Variants in PROCA1 observed in about 807,000 individuals in gnomAD.
The protein encoded by PROCA1 is protein PROCA1.
PROCA1 carries 22 observed loss-of-function variants against 23.2 expected under a neutral mutation model. The ratio of observed to expected loss-of-function variants is 0.95; its 90% confidence interval spans 0.68 to 1.35. The LOEUF (loss-of-function observed/expected upper bound fraction) is 1.35. Among genes scored for constraint, PROCA1 ranks in the 40% most tolerant of loss-of-function variants. The probability of loss-of-function intolerance (pLI) is 0.00; values close to 1 mark genes in which losing one functional copy is unlikely to be tolerated. For missense variants in PROCA1, 469 were observed against 459.8 expected (o/e 1.02, Z -0.18); for synonymous variants, 182 against 179.2 (o/e 1.02, Z -0.12).
chr17:28,709,510 C>A (rs1006891249), intron 1 of PROCA1, among the ~76,000 whole-genome samples: 2 of 151,974 alleles, frequency 1.3e-5, no homozygotes, highest in Non-Finnish European at 2.9e-5. Context: ...CCGCCTCAGC[C>A]TCCCAAAGTG....
In PROCA1 at chr17:28,703,797, C is replaced by T. The variant is rs143950518; in HGVS notation, c.856G>A (p.Ala286Thr). The change falls in exon 5 of 5, where the codon GCA becomes ACA. Residue 286 changes from alanine to threonine, a missense_variant. Physicochemically the swap from Ala to Thr is moderately conservative, Grantham distance 58. Transcript: ENST00000682792. The part of the protein sequence containing the change: ...SPPDVSRSLS[A>T]RQLARMSESS... ...TCGGACATCCTGGCCAGCTGTCTTG[C>T]GCTTAATGATCGGCTCACGTCTGGC... 289 of 1,614,198 alleles carry T rather than the reference C, an allele frequency of 1.8e-4. No individual in the cohort carries two copies. The African/African-American group carries it at 3.4e-3, about 19-fold the overall frequency.
chr17:28,711,254 C>G, intron 1 of PROCA1: 2 of 803,366 alleles, frequency 2.5e-6, no homozygotes, highest in South Asian at 4.7e-5. Context: ...AGGGCAGCGG[C>G]CTGCGCCCGG....
rs570954363 is a variant in PROCA1, at chr17:28,703,469, A to G, written c.*89T>C. On this transcript the variant is annotated 3_prime_UTR_variant, in exon 5 of 5. Coordinates refer to ENST00000682792, the MANE Select transcript of PROCA1 (RefSeq NM_001366301.1). ...CCCTGAGCCCACCCCTTGCCCCGCA[A>G]GAAACAGCCAGGTTGGAGGGAGAGA... 1 of 1,407,364 alleles carries G rather than the reference A, an allele frequency of 7.1e-7. No homozygotes were observed. Among genetic ancestry groups the G allele is most frequent in the East Asian group, 2.3e-5 (1 of 43,680 alleles). The allele number at this position is 1,407,364 out of a possible 1,614,324, so 87.2% of individuals were successfully genotyped here. A position where few individuals can be genotyped will look rare whatever the true frequency, so the allele number is the denominator to read the frequency against.
At chr17:28,706,579 TTCCC>T in intron 2 of PROCA1, 97 bp downstream of exon 2, 5 of 821,844 alleles carry the variant, frequency 6.1e-6, no homozygotes, top group Non-Finnish European at 8.9e-6. Flanking sequence ...AGGACCACAC[TTCCC>T]TCCCTCCCTG....
At chr17:28,709,319 G>A (rs966465136) in intron 1 of PROCA1, among the ~76,000 whole-genome samples, 3 of 151,762 alleles carry the variant, frequency 2.0e-5, no homozygotes, top group African/African-American at 7.3e-5. Context: ...GCAGTGGCGG[G>A]ATCTTGGCTC....
At chr17:28,706,285 C>T (rs1243006539) in intron 2 of PROCA1, 5 of 175,696 alleles carry the variant, frequency 2.8e-5, no homozygotes, top group Non-Finnish European at 6.2e-5. Flanking sequence ...GGCAAAGTGC[C>T]CTGAACTTGT....
intron 1 of PROCA1, chr17:28,710,853 G>T: frequency 7.7e-7 from 1 of 1,304,200 alleles, no homozygotes; most frequent in Non-Finnish European, 1.0e-6. Context: ...GCGCACAAAG[G>T]CCTAACTCAA....
rs186007908 is a variant in PROCA1, at chr17:28,703,672, C to T, written c.981G>A (p.Ser327=). 2.1e-4 allele frequency: 337 copies of T among 1,614,188 alleles called. No individual in the cohort carries two copies. The East Asian group carries it at 6.6e-3, about 32-fold the overall frequency. ...GGACTGTGTTCTCTCTCTTCCTGGGCGATGATGATTCCACAATATCCTCGC... is the reference window on the plus strand; with the variant it reads ...GGACTGTGTTCTCTCTCTTCCTGGGTGATGATGATTCCACAATATCCTCGC... The part of the protein sequence containing the change: ...LSSEDIVESS[S]PRKRENTVQA... The change falls in exon 5 of 5, where the codon TCG becomes TCA. Residue 327 remains serine, a synonymous_variant. Coordinates refer to ENST00000682792, the MANE Select transcript of PROCA1 (RefSeq NM_001366301.1).
chr17:28,706,625 T>C, intron 2 of PROCA1, 55 bp downstream of exon 2: 1 of 1,227,976 alleles, frequency 8.1e-7, no homozygotes, highest in Non-Finnish European at 1.1e-6. Context: ...AGGTGTCAGC[T>C]TTCCCAGGTG....
chr17:28,709,279 A>T (rs1247146885), intron 1 of PROCA1, among the ~76,000 whole-genome samples: 1 of 151,610 alleles, frequency 6.6e-6, no homozygotes, highest in African/African-American at 2.4e-5. Flanking sequence ...TTCTTTTGAG[A>T]GAGTCTGGCT....
At chr17:28,710,450 T>C (rs1002440814) in intron 1 of PROCA1, among the ~76,000 whole-genome samples, 1 of 140,864 alleles carries the variant, frequency 7.1e-6, no homozygotes, top group African/African-American at 2.7e-5. Context: ...GAGTTTGCAG[T>C]GAGCCGATAT....
At position 28,703,886 on chromosome 17, in the gene PROCA1, T is replaced by G. The variant is rs778029551; in HGVS notation, c.767A>C (p.Lys256Thr). Reference protein sequence around the residue: ...KEEMDEKAKLKKKAKKGQLTK... With the variant: ...KEEMDEKAKLTKKAKKGQLTK... ...CAACTGGCCTTTCTTGGCTTTTTTC[T>G]TCAGCTTTGCCTTCTCATCCATCTC... The change falls in exon 5 of 5, where the codon AAG becomes ACG. Residue 256 changes from lysine to threonine, a missense_variant. Lys to Thr is a moderately conservative substitution (Grantham distance 78). Coordinates refer to ENST00000682792, the MANE Select transcript of PROCA1 (RefSeq NM_001366301.1). The G allele has an allele frequency of 4.1e-5, 66 of 1,614,032 alleles. No individual in the cohort carries two copies. In the Middle Eastern group the frequency reaches 8.2e-4, roughly 20 times the overall value.
Sources: gnomAD v4.1 joint callset for allele counts (sites outside exome capture counted in the v4.1 genomes callset) on GRCh38, gnomAD v4.1.1 for gene constraint, MANE v1.5 for transcripts, NCBI Gene and HGNC (gene_info 2026-07-23, HGNC 2026-07-21) for gene names.